PCDH15: variants seen among roughly 807,000 people sequenced by gnomAD.
The protein encoded by PCDH15 is protocadherin-15.
A neutral mutation model predicts 178.5 loss-of-function variants in PCDH15; 129 were observed. The observed-to-expected ratio is 0.72, with a 90% CI of 0.63 to 0.84. The LOEUF is 0.84. Among genes scored for constraint, PCDH15 ranks in the 40% least tolerant of loss-of-function variants. The pLI, the probability that PCDH15 is intolerant of heterozygous loss-of-function variation, is 0.00. For missense variants in PCDH15, 2,230 were observed against 2,099.9 expected (o/e 1.06, Z -1.21); for synonymous variants, 800 against 732.0 (o/e 1.09, Z -1.50).
intron 2 of PCDH15, among the ~76,000 whole-genome samples, chr10:55,003,523 T>C (rs1388981448): frequency 6.6e-6 from 1 of 152,162 alleles, no homozygotes; most frequent in Non-Finnish European, 1.5e-5. Context: ...GAGCGTACTT[T>C]TGTAAACAGA....
chr10:54,843,527 G>C (rs538129849), intron 3 of PCDH15, among the ~76,000 whole-genome samples: 1 of 152,014 alleles, frequency 6.6e-6, no homozygotes, highest in African/African-American at 2.4e-5. Context: ...TTTATGTCCT[G>C]AGAGACATAA....
chr10:55,030,718 G>C (rs1289034158), intron 2 of PCDH15, among the ~76,000 whole-genome samples: 1 of 151,956 alleles, frequency 6.6e-6, no homozygotes, highest in African/African-American at 2.4e-5. Context: ...ATTGTCATAG[G>C]CAGCAATAAA....
intron 2 of PCDH15, among the ~76,000 whole-genome samples, chr10:54,562,698 C>T (rs1366533572): frequency 6.6e-6 from 1 of 152,108 alleles, no homozygotes; most frequent in Admixed American, 6.6e-5. Flanking sequence ...AAATCTCACT[C>T]TCAGTCTCTC....
chr10:54,953,490 T>C (rs943538618), intron 2 of PCDH15, among the ~76,000 whole-genome samples: 1 of 151,504 alleles, frequency 6.6e-6, no homozygotes, highest in Admixed American at 6.6e-5. Flanking sequence ...TAACAATTTT[T>C]CTTGGCTTCT....
chr10:54,334,199 A>C (rs1940519300), intron 6 of PCDH15, among the ~76,000 whole-genome samples: 1 of 152,202 alleles, frequency 6.6e-6, no homozygotes, highest in South Asian at 2.1e-4. Context: ...GTTCAGTGAC[A>C]ACAACTGTCA....
intron 37 of PCDH15, chr10:53,809,455 G>T: frequency 1.9e-6 from 3 of 1,613,970 alleles, no homozygotes; most frequent in Non-Finnish European, 2.5e-6. Context: ...AGGCTCAGCT[G>T]CTGGTGGTTT....
intron 8 of PCDH15, among the ~76,000 whole-genome samples, chr10:54,250,669 A>G (rs1356438896): frequency 6.6e-6 from 1 of 152,186 alleles, no homozygotes; most frequent in African/African-American, 2.4e-5. Flanking sequence ...TAGACATTTA[A>G]AAAGCACACA....
intron 3 of PCDH15, among the ~76,000 whole-genome samples, chr10:54,868,022 G>C (rs1953969228): frequency 6.6e-6 from 1 of 152,048 alleles, no homozygotes; most frequent in Non-Finnish European, 1.5e-5. Flanking sequence ...TAATTAGCTT[G>C]TCTTAATTAT....
chr10:54,794,455 C>T (rs530878172), intron 1 of PCDH15, among the ~76,000 whole-genome samples: 3 of 151,748 alleles, frequency 2.0e-5, no homozygotes, highest in East Asian at 3.9e-4. Context: ...TTCAATAAAC[C>T]TTATAAATAT....
chr10:54,857,178 G>A (rs1344810935), intron 3 of PCDH15, among the ~76,000 whole-genome samples: 1 of 151,970 alleles, frequency 6.6e-6, no homozygotes. Context: ...GTTAGAATCT[G>A]GAAAATAAGC....
intron 1 of PCDH15, among the ~76,000 whole-genome samples, chr10:55,221,187 T>C (rs1303729783): frequency 7.9e-5 from 12 of 152,014 alleles, no homozygotes; most frequent in Admixed American, 7.9e-4. Context: ...CAATACATAG[T>C]GTGTGTCCAA....
At chr10:54,046,556 G>A (rs1911409) in intron 18 of PCDH15, among the ~76,000 whole-genome samples, 105,488 of 151,944 alleles carry the variant, frequency 0.69, 37,039 homozygotes, top group Middle Eastern at 0.8. Flanking sequence ...TACAGGCTTC[G>A]AAAAAAGACA....
At chr10:53,987,656 TAA>T (rs745467832) in intron 21 of PCDH15, among the ~76,000 whole-genome samples, 34 of 152,106 alleles carry the variant, frequency 2.2e-4, no homozygotes, top group African/African-American at 5.8e-4. Flanking sequence ...ACATGAAAAT[TAA>T]AAGAGTAAGA....
intron 2 of PCDH15, among the ~76,000 whole-genome samples, chr10:54,553,997 A>T (rs1384174560): frequency 6.6e-6 from 1 of 152,172 alleles, no homozygotes; most frequent in Non-Finnish European, 1.5e-5. Context: ...AAAAAGGCAT[A>T]ATTTCTTTAC....
At chr10:54,958,099 T>A (rs1838537314) in intron 2 of PCDH15, among the ~76,000 whole-genome samples, 2 of 151,840 alleles carry the variant, frequency 1.3e-5, no homozygotes, top group Admixed American at 6.6e-5. Flanking sequence ...TAATTTGTCT[T>A]ATCACTTCTC....
Position 54,820,670 on chromosome 10 carries a change from T to C in PCDH15, c.-29+76780A>G, listed in dbSNP as rs529085444. 2.6e-5 allele frequency among the ~76,000 whole-genome samples: 4 copies of C among 152,142 alleles called. No individual in the cohort carries two copies. In the South Asian group the frequency reaches 6.2e-4, roughly 24 times the overall value. Reference sequence around the variant, plus strand: ...TGTTTTAGAGTTCCTACGAGCACCATAAAGCAATGCGTAGTTAAAGAAACT... The same window carrying C: ...TGTTTTAGAGTTCCTACGAGCACCACAAAGCAATGCGTAGTTAAAGAAACT... On this transcript the variant is annotated intron_variant, in intron 3 of 5. Transcript: ENST00000458638.
At chr10:54,744,958 C>T (rs900721978) in intron 1 of PCDH15, among the ~76,000 whole-genome samples, 12 of 151,924 alleles carry the variant, frequency 7.9e-5, no homozygotes, top group African/African-American at 2.7e-4. Context: ...GAATGTTTCT[C>T]ACAAATTGCA....
intron 1 of PCDH15, among the ~76,000 whole-genome samples, chr10:54,792,785 T>C (rs1355737211): frequency 6.6e-6 from 1 of 151,788 alleles, no homozygotes; most frequent in Non-Finnish European, 1.5e-5. Flanking sequence ...GGTAACCTAT[T>C]TGTCACCTAT....
At chr10:54,867,574 T>G (rs1953963256) in intron 3 of PCDH15, among the ~76,000 whole-genome samples, 1 of 152,100 alleles carries the variant, frequency 6.6e-6, no homozygotes, top group Non-Finnish European at 1.5e-5. Flanking sequence ...GAATTTAACT[T>G]CAAATCTTTT....
Sources: gnomAD v4.1 joint callset for allele counts (sites outside exome capture counted in the v4.1 genomes callset) on GRCh38, gnomAD v4.1.1 for gene constraint, MANE v1.5 for transcripts, NCBI Gene and HGNC (gene_info 2026-07-23, HGNC 2026-07-21) for gene names.